The following CACNA1C variants were observed in gnomAD, a reference collection of about 807,000 sequenced individuals.
The protein encoded by CACNA1C is calcium voltage-gated channel subunit alpha1 C.
CACNA1C carries 30 observed loss-of-function variants against 229.0 expected under a neutral mutation model. The ratio of observed to expected loss-of-function variants is 0.13; its 90% CI spans 0.10 to 0.18. The LOEUF is 0.18. CACNA1C is among the 10% of genes least tolerant of loss of function. CACNA1C has a pLI of 1.00. For missense variants in CACNA1C, 1,658 were observed against 2,845.0 expected, an observed-to-expected ratio of 0.58 and a Z score of 9.49; for synonymous variants, 1,114 against 1,132.5, an observed-to-expected ratio of 0.98 and a Z score of 0.33.
chr12:2,124,828 G>T (rs1397393133), intron 3 of CACNA1C, among the ~76,000 whole-genome samples: 1 of 152,196 alleles, frequency 6.6e-6, no homozygotes, highest in Non-Finnish European at 1.5e-5. Context: ...GAGGGGCAGG[G>T]AATGATGCGT....
chr12:2,119,651 G>A (rs1349590173), intron 2 of CACNA1C, among the ~76,000 whole-genome samples: 2 of 152,150 alleles, frequency 1.3e-5, no homozygotes, highest in Non-Finnish European at 2.9e-5. Context: ...CTGCTGAAGC[G>A]GGACCTCTGC....
At position 2,287,823 on chromosome 12, in the gene CACNA1C, C is replaced by T. The variant is rs148932081; in HGVS notation, c.478-161153C>T. ...ATTTCTAACAAGCTCCCAGGTGACTCGCTGCTGCTGGCCTGGGACCACACT... is the reference window on the plus strand; with the variant it reads ...ATTTCTAACAAGCTCCCAGGTGACTTGCTGCTGCTGGCCTGGGACCACACT... On this transcript the variant is annotated intron_variant, in intron 3 of 46. Transcript: ENST00000399655. The surrounding 1 kb of genome is among the most constrained non-coding windows in gnomAD (Gnocchi z 4.6). Among the ~76,000 whole-genome samples, 7 of 152,134 alleles carry T rather than the reference C, an allele frequency of 4.6e-5. No homozygotes were observed. Among genetic ancestry groups the T allele is most frequent in the Non-Finnish European group, 1.0e-4 (7 of 68,032 alleles).
rs2094320529 is a variant in CACNA1C, at chr12:2,646,020, C to T, written c.3913-2455C>T. On this transcript the variant is annotated intron_variant, in intron 30 of 46. Transcript: ENST00000399655. This position sits in a 1 kb window ranked among gnomAD's most constrained non-coding sequence, Gnocchi z 4.6. ...TGTCCTCATAGCTGCTCCTGACTTT[C>T]TCTTGTCTGCCATTATAGAGACATG... 6.6e-6 allele frequency among the ~76,000 whole-genome samples: 1 copy of T among 152,192 alleles called. No homozygotes were observed. Among genetic ancestry groups the T allele is most frequent in the Admixed American group, 6.5e-5 (1 of 15,280 alleles).
At chr12:2,558,638 G>A (rs760220929) in intron 11 of CACNA1C, among the ~76,000 whole-genome samples, 21 of 152,170 alleles carry the variant, frequency 1.4e-4, no homozygotes, top group Non-Finnish European at 2.8e-4. Flanking sequence ...AGGGTCTGCC[G>A]AGGCACTCCA....
chr12:2,312,422 A>C (rs2108570), intron 3 of CACNA1C, among the ~76,000 whole-genome samples: 1 of 152,028 alleles, frequency 6.6e-6, no homozygotes, highest in Non-Finnish European at 1.5e-5. Flanking sequence ...GGCAACACCC[A>C]CAACAAAGCA....
rs1454096643 is a variant in CACNA1C at position 2,015,520 on chromosome 12, G to T, written c.139+44319G>T. Among the ~76,000 whole-genome samples the T allele has an allele frequency of 2.0e-5, 3 of 152,224 alleles. No homozygotes were observed. In the East Asian group the frequency reaches 5.8e-4, roughly 29 times the overall value. ...GCTTCAGCCACCTCTTTGTACAGAA[G>T]AGACTGAAGCACAGAGAAGTGGCTT... On this transcript the variant is annotated intron_variant, in intron 1 of 46. Transcript: ENST00000682462.
At chr12:2,537,806 C>A (rs1257075408) in intron 9 of CACNA1C, among the ~76,000 whole-genome samples, 1 of 151,920 alleles carries the variant, frequency 6.6e-6, no homozygotes, top group East Asian at 1.9e-4. Context: ...GTCTCGCCCT[C>A]CTGTGTGGTC....
chr12:2,057,342 T>C (rs914599129), intron 1 of CACNA1C, among the ~76,000 whole-genome samples: 1 of 152,216 alleles, frequency 6.6e-6, no homozygotes, highest in African/African-American at 2.4e-5. Context: ...AATGAATGAA[T>C]GCGACCTGGC....
Position 2,150,402 on chromosome 12 carries a change from G to C in CACNA1C, c.477+29972G>C, listed in dbSNP as rs2095132601. On this transcript the variant is annotated intron_variant, in intron 3 of 46. Coordinates refer to ENST00000399655, the MANE Select transcript of CACNA1C (RefSeq NM_000719.7). The stretch of plus-strand genomic sequence containing the variant: ...CATTCCCTGGGGAACAGGGCAGAGG[G>C]AAGACAGAGTAGGGGAATTCCAGGA... Among the ~76,000 whole-genome samples, 13 of 152,296 alleles carry C rather than the reference G, an allele frequency of 8.5e-5. No homozygotes were observed. In the South Asian group the frequency reaches 2.3e-3, roughly 27 times the overall value.
At chr12:2,555,243 G>A (rs1220313917) in intron 10 of CACNA1C, among the ~76,000 whole-genome samples, 1 of 152,194 alleles carries the variant, frequency 6.6e-6, no homozygotes, top group African/African-American at 2.4e-5. Flanking sequence ...GCTTTTCAGA[G>A]CCCACTTGCA....
intron 3 of CACNA1C, among the ~76,000 whole-genome samples, chr12:2,412,413 G>A (rs55935819): frequency 0.34 from 51,035 of 152,126 alleles, 8,891 homozygotes; most frequent in Admixed American, 0.45. Context: ...GATAAGGGGC[G>A]GTGCCCAGCA....
At position 2,536,485 on chromosome 12, in the gene CACNA1C, C is replaced by T. The variant is rs572405965; in HGVS notation, c.1391-13458C>T. On this transcript the variant is annotated intron_variant, in intron 9 of 46. Coordinates refer to ENST00000399655, the MANE Select transcript of CACNA1C (RefSeq NM_000719.7). ...ACTCTACCACTATCTGCCTCTGCGA[C>T]TCTGGACAAGCTGATGACCCTCTCT... Among the ~76,000 whole-genome samples the T allele has an allele frequency of 3.9e-4, 59 of 152,274 alleles. No homozygotes were observed. The South Asian group carries it at 0.012, about 31-fold the overall frequency.
intron 3 of CACNA1C, among the ~76,000 whole-genome samples, chr12:2,202,447 G>A (rs1197693448): frequency 1.3e-5 from 2 of 152,236 alleles, no homozygotes; most frequent in Non-Finnish European, 2.9e-5. Context: ...GAACTAAGTA[G>A]TAGTCATATA....
intron 5 of CACNA1C, among the ~76,000 whole-genome samples, chr12:2,468,684 G>A (rs1222766290): frequency 6.6e-6 from 1 of 152,224 alleles, no homozygotes; most frequent in Non-Finnish European, 1.5e-5. Flanking sequence ...TTCAAGAGTT[G>A]TGAGCCCCTT....
At chr12:2,255,359 C>T (rs1335975579) in intron 3 of CACNA1C, among the ~76,000 whole-genome samples, 1 of 152,082 alleles carries the variant, frequency 6.6e-6, no homozygotes, top group Non-Finnish European at 1.5e-5. Context: ...GCTAACAGAC[C>T]TGGGGTCATT....
At chr12:2,141,086 A>G (rs1012832632) in intron 3 of CACNA1C, among the ~76,000 whole-genome samples, 2 of 150,982 alleles carry the variant, frequency 1.3e-5, no homozygotes, top group African/African-American at 4.8e-5. Context: ...GGCAGGGGAC[A>G]GCAGGGCCAG....
chr12:2,508,982 C>A (rs951591282), intron 8 of CACNA1C, among the ~76,000 whole-genome samples: 2 of 152,158 alleles, frequency 1.3e-5, no homozygotes, highest in Non-Finnish European at 2.9e-5. Flanking sequence ...GCACTTGAAG[C>A]TGTAATGAGG....
At position 2,372,752 on chromosome 12, in the gene CACNA1C, G is replaced by A. The variant is rs60522651; in HGVS notation, c.478-76224G>A. The stretch of plus-strand genomic sequence containing the variant: ...CCAAGGCCCATCCATCCGTTAGCCT[G>A]CCCCCTGGCATGTTCCTTGAGGCCT... On this transcript the variant is annotated intron_variant, in intron 3 of 46. Transcript: ENST00000399655. Among the ~76,000 whole-genome samples the A allele has an allele frequency of 8.6e-3, 1,312 of 152,212 alleles. 23 individuals carry two copies. The highest frequency in any genetic ancestry group is 0.03 in the African/African-American group (1,265 of 41,538).
chr12:2,567,765 C>A lies in CACNA1C; in HGVS notation c.1866C>A (p.Val622=), dbSNP rs2154593438. Residue 622 remains valine, a synonymous_variant, in exon 13 of 47, where the codon GTC becomes GTA. Coordinates refer to ENST00000399655, the MANE Select transcript of CACNA1C (RefSeq NM_000719.7). ...SPLGISVLRC[V]RLLRIFKITR... is the part of the protein sequence containing the mutation. Reference sequence around the variant, plus strand: ...TGGGCATCTCCGTGCTCAGATGCGTCCGGCTGCTGAGGATTTTCAAGATCA... The same window carrying A: ...TGGGCATCTCCGTGCTCAGATGCGTACGGCTGCTGAGGATTTTCAAGATCA... The A allele has an allele frequency of 6.2e-7, 1 of 1,610,724 alleles. No homozygotes were observed. The highest frequency in any genetic ancestry group is 1.1e-5 in the South Asian group (1 of 90,820).
Sources: allele counts gnomAD v4.1 joint callset (sites outside exome capture counted in the v4.1 genomes callset), GRCh38; gene constraint gnomAD v4.1.1; non-coding constraint Gnocchi (gnomAD v3.1); transcripts MANE v1.5; gene names NCBI Gene and HGNC (gene_info 2026-07-23, HGNC 2026-07-21).